The following ITGB3 variants were observed in gnomAD, a reference collection of about 807,000 sequenced individuals.
ITGB3 encodes integrin beta-3.
ITGB3 carries 48 observed loss-of-function variants against 85.8 expected under a neutral mutation model. That is an observed-to-expected ratio of 0.56 (90% CI 0.44 to 0.71). The LOEUF is 0.71. ITGB3 is among the 30% of genes least tolerant of loss of function. The pLI is 0.00. For missense variants in ITGB3, 861 were observed against 1,019.1 expected (o/e 0.84, Z 2.11); for synonymous variants, 363 against 395.6 (o/e 0.92, Z 0.98).
In ITGB3 at chr17:47,310,356, CTGTG is replaced by C. The variant is rs377072500; in HGVS notation, c.*160_*163del. On this transcript the variant is annotated 3_prime_UTR_variant, in exon 15 of 15. Transcript: ENST00000559488. ...AATGTCAGTATGTGGAAGTGTGGGT[CTGTG>C]TGTGTGTATGTGGGGGTCTGTGTGT... 4 of 731,544 alleles carry C rather than the reference CTGTG, an allele frequency of 5.5e-6. No homozygotes were observed. Among genetic ancestry groups the C allele is most frequent in the African/African-American group, 3.5e-5 (2 of 57,612 alleles). The allele number at this position is 731,544 out of a possible 1,614,324, so 45.3% of individuals were successfully genotyped here. A position where few individuals can be genotyped will look rare whatever the true frequency, so the allele number is the denominator to read the frequency against.
intron 10 of ITGB3, 64 bp downstream of exon 10, chr17:47,292,632 G>A: frequency 1.9e-6 from 3 of 1,551,084 alleles, no homozygotes; most frequent in Non-Finnish European, 2.6e-6. Context: ...TGCAACCACT[G>A]GAAACATAGG....
rs566516527 is a variant in ITGB3 at position 47,259,628 on chromosome 17, G to A, written c.79+5688G>A. On this transcript the variant is annotated intron_variant, in intron 1 of 14. Transcript: ENST00000559488. ...ATATTGTTATTTCTTGGCTGGGCGC[G>A]GTGGCTCATGCCTGTAATCCCAGCA... 3.3e-3 allele frequency among the ~76,000 whole-genome samples: 502 copies of A among 152,268 alleles called. 3 individuals are homozygous for A. Among genetic ancestry groups the A allele is most frequent in the Middle Eastern group, 6.8e-3 (2 of 294 alleles).
intron 2 of ITGB3, chr17:47,280,064 G>C (rs1219372382): frequency 6.6e-6 from 1 of 152,266 alleles, no homozygotes; most frequent in African/African-American, 2.4e-5. Flanking sequence ...GAAGGTCTGT[G>C]ATGTCCCTGT....
At chr17:47,256,155 T>G (rs1326583008) in intron 1 of ITGB3, among the ~76,000 whole-genome samples, 1 of 152,096 alleles carries the variant, frequency 6.6e-6, no homozygotes, top group East Asian at 1.9e-4. Flanking sequence ...CATACGTAAG[T>G]TTGCATTAAA....
In ITGB3 at chr17:47,270,342, T is replaced by G. The variant is rs532322891; in HGVS notation, c.80-4077T>G. ...TTGGCATGCCAATTCCCATGGAAAC[T>G]CCAGAAAGGGAGGGAGATACTTAAA... is the stretch of plus-strand genomic sequence containing the variant. On this transcript the variant is annotated intron_variant, in intron 1 of 14. Transcript: ENST00000559488. 7.7e-4 allele frequency among the ~76,000 whole-genome samples: 117 copies of G among 152,266 alleles called. 1 individual carries two copies. Among genetic ancestry groups the G allele is most frequent in the Middle Eastern group, 6.8e-3 (2 of 294 alleles).
At chr17:47,262,254 G>A (rs1056541672) in intron 1 of ITGB3, among the ~76,000 whole-genome samples, 1 of 152,200 alleles carries the variant, frequency 6.6e-6, no homozygotes, top group Non-Finnish European at 1.5e-5. Context: ...ACATGAGCTG[G>A]GGGAGGAAGG....
chr17:47,310,648 C>G lies in ITGB3; in HGVS notation c.*444C>G. ...AGGGACACCAAGCCTTGGCTCTACCCTGAGTTCATAAATTTATGGTTCTCA... is the reference window on the plus strand; with the variant it reads ...AGGGACACCAAGCCTTGGCTCTACCGTGAGTTCATAAATTTATGGTTCTCA... On this transcript the variant is annotated 3_prime_UTR_variant, in exon 15 of 15. Coordinates refer to ENST00000559488, the MANE Select transcript of ITGB3 (RefSeq NM_000212.3). The G allele has an allele frequency of 3.7e-6, 1 of 267,030 alleles. No individual in the cohort carries two copies. Among genetic ancestry groups the G allele is most frequent in the South Asian group, 4.8e-5 (1 of 20,854 alleles). The allele number at this position is 267,030 out of a possible 1,614,324, so 16.5% of individuals were successfully genotyped here.
At chr17:47,256,495 A>G (rs571645562) in intron 1 of ITGB3, among the ~76,000 whole-genome samples, 1 of 151,582 alleles carries the variant, frequency 6.6e-6, no homozygotes, top group East Asian at 2.0e-4. Context: ...AACCTCACAA[A>G]TCAGTTTCTA....
intron 1 of ITGB3, among the ~76,000 whole-genome samples, chr17:47,257,171 G>A (rs2064993412): frequency 6.6e-6 from 1 of 152,238 alleles, no homozygotes; most frequent in Non-Finnish European, 1.5e-5. Flanking sequence ...TATCTGCCAT[G>A]TATTGGAGGC....
At chr17:47,283,091 G>C (rs1185042395) in intron 2 of ITGB3, among the ~76,000 whole-genome samples, 1 of 148,836 alleles carries the variant, frequency 6.7e-6, no homozygotes, top group African/African-American at 2.5e-5. Context: ...TTTTTTGGTA[G>C]AGACGGGGTC....
chr17:47,292,148 A>G lies in ITGB3; in HGVS notation c.1270A>G (p.Ser424Gly). Reference protein sequence around the residue: ...GLKIGDTVSFSIEAKVRGCPQ... With the variant: ...GLKIGDTVSFGIEAKVRGCPQ... Reference sequence around the variant, plus strand: ...CTTTCTTTCCATCCAGGTGAGCTTCAGCATTGAGGCCAAGGTGCGAGGCTG... The same window carrying G: ...CTTTCTTTCCATCCAGGTGAGCTTCGGCATTGAGGCCAAGGTGCGAGGCTG... The change falls in exon 10 of 15, where the codon AGC becomes GGC. Residue 424 changes from serine (S) to glycine (G), a missense_variant. Ser to Gly is a moderately conservative substitution (Grantham distance 56, BLOSUM62 0). Coordinates refer to ENST00000559488, the MANE Select transcript of ITGB3 (RefSeq NM_000212.3). 6.2e-7 allele frequency: 1 copy of G among 1,614,148 alleles called. No individual in the cohort carries two copies. The highest frequency in any genetic ancestry group is 8.5e-7 in the Non-Finnish European group (1 of 1,179,996).
chr17:47,254,038 C>T, intron 1 of ITGB3, 98 bp downstream of exon 1: 1 of 785,658 alleles, frequency 1.3e-6, no homozygotes, highest in Non-Finnish European at 1.8e-6. Context: ...AGGGCTGGTC[C>T]CGCGCGTCTG....
chr17:47,301,864 AG>A (rs1298698439), intron 12 of ITGB3, among the ~76,000 whole-genome samples: 1 of 152,156 alleles, frequency 6.6e-6, no homozygotes, highest in Admixed American at 6.5e-5. Context: ...AATTAAGATA[AG>A]AACTAGGTCC....
rs2065216199 is a variant in ITGB3, at chr17:47,311,821, A to C, written c.*1617A>C. ...TATCAACATTTGTTCCATGAGCAGA[A>C]AACTGGAGCTCTGGCCTCAGTGTTA... On this transcript the variant is annotated 3_prime_UTR_variant, in exon 15 of 15. Transcript: ENST00000559488. 6.6e-6 allele frequency: 1 copy of C among 152,278 alleles called. No homozygotes were observed. The highest frequency in any genetic ancestry group is 2.4e-5 in the African/African-American group (1 of 41,474). 9.4% of individuals were successfully genotyped at this position (152,278 alleles called of 1,614,324 possible). A position where few individuals can be genotyped will look rare whatever the true frequency, so the allele number is the denominator to read the frequency against.
At chr17:47,265,200 CT>C (rs2065021164) in intron 1 of ITGB3, among the ~76,000 whole-genome samples, 1 of 152,106 alleles carries the variant, frequency 6.6e-6, no homozygotes. Flanking sequence ...TTCATGCTGG[CT>C]TTTTTTCAAT....
Position 47,313,059 on chromosome 17 carries a change from TGCCTCTCAGG to T in ITGB3, c.*2856_*2865del, listed in dbSNP as rs1475890571. Among the ~76,000 whole-genome samples the T allele has an allele frequency of 6.6e-6, 1 of 152,194 alleles. No individual in the cohort carries two copies. Among genetic ancestry groups the T allele is most frequent in the Non-Finnish European group, 1.5e-5 (1 of 68,030 alleles). ...CAAGATCTCAGTTCACTGCAATCTC[TGCCTCTCAGG>T]TTCAAGCCATTCTCCTGCCTCAGCC... On this transcript the variant is annotated 3_prime_UTR_variant, in exon 15 of 15. Transcript: ENST00000559488.
rs951261089 is a variant in ITGB3, at chr17:47,302,597, G to A, written c.2015-124G>A. On this transcript the variant is annotated intron_variant, in intron 12 of 14. Coordinates refer to ENST00000559488, the MANE Select transcript of ITGB3 (RefSeq NM_000212.3). ...AACAGCCACCTTGAATCTAGGCATC[G>A]TGCACATGAGGCACAGGGTTTCCTG... 34 of 1,150,468 alleles carry A rather than the reference G, an allele frequency of 3.0e-5. No homozygotes were observed. In the African/African-American group the frequency reaches 4.1e-4, roughly 14 times the overall value. The allele number at this position is 1,150,468 out of a possible 1,614,324, so 71.3% of individuals were successfully genotyped here. A position where few individuals can be genotyped will look rare whatever the true frequency, so the allele number is the denominator to read the frequency against.
At chr17:47,305,335 T>C (rs1230310248) in intron 13 of ITGB3, among the ~76,000 whole-genome samples, 1 of 152,210 alleles carries the variant, frequency 6.6e-6, no homozygotes, top group Non-Finnish European at 1.5e-5. Context: ...GATAGCCAGC[T>C]TGAGTTATGG....
At chr17:47,306,766 T>C (rs2065189644) in intron 13 of ITGB3, among the ~76,000 whole-genome samples, 1 of 151,628 alleles carries the variant, frequency 6.6e-6, no homozygotes, top group Non-Finnish European at 1.5e-5. Context: ...CTGCAACCTC[T>C]ACCTCCCAGG....
Sources: gnomAD v4.1 joint callset for allele counts (sites outside exome capture counted in the v4.1 genomes callset) on GRCh38, gnomAD v4.1.1 for gene constraint, MANE v1.5 for transcripts, NCBI Gene and HGNC (gene_info 2026-07-23, HGNC 2026-07-21) for gene names.